The following SDK2 variants were observed in gnomAD, a reference collection of about 807,000 sequenced individuals.
SDK2 encodes the protein protein sidekick-2.
Under a neutral mutation model 253.9 loss-of-function variants are expected in SDK2, and 105 were observed. That is an observed-to-expected ratio of 0.41 (90% CI 0.35 to 0.49). The LOEUF (loss-of-function observed/expected upper bound fraction) is 0.49, where lower values mean the gene tolerates loss of function less well. Among genes scored for constraint, SDK2 ranks in the 20% least tolerant of loss-of-function variants. SDK2 has a pLI of 0.06. For synonymous variants in SDK2, 1,249 were observed against 1,234.9 expected (o/e 1.01, Z -0.24); for missense variants, 2,608 against 3,003.0 (o/e 0.87, Z 3.07).
At chr17:73,407,537 C>T (rs932590412) in intron 18 of SDK2, among the ~76,000 whole-genome samples, 1 of 152,154 alleles carries the variant, frequency 6.6e-6, no homozygotes, top group African/African-American at 2.4e-5. Flanking sequence ...CCCCTCCAAC[C>T]CAAGCTCATC....
In SDK2 at chr17:73,338,356, G is replaced by A. The variant is rs2062399250; in HGVS notation, c.*231C>T. The A allele has an allele frequency of 1.5e-6, 1 of 673,776 alleles. No homozygotes were observed. The highest frequency in any genetic ancestry group is 2.7e-6 in the Non-Finnish European group (1 of 366,744). The allele number at this position is 673,776 out of a possible 1,614,324, so 41.7% of individuals were successfully genotyped here. A position where few individuals can be genotyped will look rare whatever the true frequency, so the allele number is the denominator to read the frequency against. On this transcript the variant is annotated 3_prime_UTR_variant, in exon 45 of 45. Coordinates refer to ENST00000392650, the MANE Select transcript of SDK2 (RefSeq NM_001144952.2). This position sits in a 1 kb window ranked among gnomAD's most constrained non-coding sequence, Gnocchi z 5.0. ...TCCGTGTAATTCCCAAGGGAGCAGT[G>A]AACCCCACCATCTCAAAGCTGAAGA... is the stretch of plus-strand genomic sequence containing the variant.
Position 73,395,485 on chromosome 17 carries a change from T to G in SDK2, c.3355-93A>C. On this transcript the variant is annotated intron_variant, in intron 24 of 44. Coordinates refer to ENST00000392650, the MANE Select transcript of SDK2 (RefSeq NM_001144952.2). The surrounding 1 kb of genome is among the most constrained non-coding windows in gnomAD (Gnocchi z 4.3). ...CTGCTACCCTCTCCTCCAGGGCGCCTTCAGGGCTATCCATCCCACTGTCAC... is the reference window on the plus strand; with the variant it reads ...CTGCTACCCTCTCCTCCAGGGCGCCGTCAGGGCTATCCATCCCACTGTCAC... 1.0e-6 allele frequency: 1 copy of G among 971,708 alleles called. No homozygotes were observed. The highest frequency in any genetic ancestry group is 1.6e-6 in the Non-Finnish European group (1 of 635,404). 60.2% of individuals were successfully genotyped at this position (971,708 alleles called of 1,614,324 possible). A position where few individuals can be genotyped will look rare whatever the true frequency, so the allele number is the denominator to read the frequency against.
At chr17:73,339,897 G>A (rs1450346359) in intron 44 of SDK2, among the ~76,000 whole-genome samples, 3 of 151,418 alleles carry the variant, frequency 2.0e-5, no homozygotes, top group Admixed American at 6.6e-5. Flanking sequence ...TTGATACGCA[G>A]TTTCACTCTT....
At chr17:73,549,632 G>A (rs55868250) in intron 1 of SDK2, among the ~76,000 whole-genome samples, 17,709 of 151,868 alleles carry the variant, frequency 0.12, 1,275 homozygotes, top group South Asian at 0.22. Context: ...CTGAAGGATG[G>A]ATGGGAGTCA....
At chr17:73,500,996 G>A (rs140264194) in intron 2 of SDK2, among the ~76,000 whole-genome samples, 1 of 152,200 alleles carries the variant, frequency 6.6e-6, no homozygotes, top group African/African-American at 2.4e-5. Context: ...CCTTGCTGAT[G>A]AAGTGGATGT....
chr17:73,344,143 C>T (rs933531284), intron 44 of SDK2, among the ~76,000 whole-genome samples: 1 of 152,092 alleles, frequency 6.6e-6, no homozygotes, highest in Non-Finnish European at 1.5e-5. Flanking sequence ...AGAATTGTGC[C>T]CCTGGAGGCA....
chr17:73,402,075 C>T lies in SDK2; in HGVS notation c.2551G>A (p.Asp851Asn). ...GACACGAAGCCCACGTGGATGCTGT[C>T]TTGAAAGTTAGGCCGGGCGGTCACC... ...TMVTARPNFQDSIHVGFVSGL... is the reference protein window; with the variant it reads ...TMVTARPNFQNSIHVGFVSGL... Residue 851 changes from aspartate (D) to asparagine (N), a missense_variant, in exon 19 of 45, where the codon GAC becomes AAC. Physicochemically the swap from Asp to Asn is conservative, Grantham distance 23. Around this residue, in one of 2 missense-constraint regions of SDK2, gnomAD observed 1,505 missense variants for 1,859.1 expected, o/e 0.81. Transcript: ENST00000392650. 6.2e-7 allele frequency: 1 copy of T among 1,614,078 alleles called. No homozygotes were observed. The highest frequency in any genetic ancestry group is 8.5e-7 in the Non-Finnish European group (1 of 1,179,908).
chr17:73,445,574 G>A (rs1168919365), intron 5 of SDK2, among the ~76,000 whole-genome samples: 1 of 152,146 alleles, frequency 6.6e-6, no homozygotes, highest in Non-Finnish European at 1.5e-5. Context: ...ACTTCCTGGA[G>A]TCCAGGAGGG....
rs1464359396 is a variant in SDK2, at chr17:73,609,473, G to C, written c.64+34552C>G. ...AGCAGAGCAGCTTCAGTGGAAGCCC[G>C]ACTGGGTTTAAGACAGAAAGGGAAG... On this transcript the variant is annotated intron_variant, in intron 1 of 44. Coordinates refer to ENST00000392650, the MANE Select transcript of SDK2 (RefSeq NM_001144952.2). This position sits in a 1 kb window ranked among gnomAD's most constrained non-coding sequence, Gnocchi z 4.4. 6.6e-6 allele frequency among the ~76,000 whole-genome samples: 1 copy of C among 152,166 alleles called. No individual in the cohort carries two copies. Among genetic ancestry groups the C allele is most frequent in the Non-Finnish European group, 1.5e-5 (1 of 68,032 alleles).
rs565156627 is a variant in SDK2, at chr17:73,450,102, T to TA, written c.480-2355_480-2354insT. ...CCACCTGAGAGTTTCCTGCAGGGAC[T>TA]TGTCCTTAGGTATAGCATGTGAGGG... On this transcript the variant is annotated intron_variant, in intron 4 of 44. Transcript: ENST00000392650. Among the ~76,000 whole-genome samples, 33 of 152,258 alleles carry TA rather than the reference T, an allele frequency of 2.2e-4. No individual in the cohort carries two copies. The East Asian group carries it at 6.4e-3, about 29-fold the overall frequency.
At chr17:73,450,383 G>A (rs189906600) in intron 4 of SDK2, among the ~76,000 whole-genome samples, 41 of 152,242 alleles carry the variant, frequency 2.7e-4, no homozygotes, top group Admixed American at 2.1e-3. Context: ...CCTGCAGCCC[G>A]CCACCTGTCT....
intron 1 of SDK2, among the ~76,000 whole-genome samples, chr17:73,554,535 C>T (rs1191436933): frequency 6.6e-6 from 1 of 151,694 alleles, no homozygotes; most frequent in Non-Finnish European, 1.5e-5. Context: ...AAGGACAGAG[C>T]CTTCCCTCAT....
At chr17:73,509,979 AG>A (rs2063967755) in intron 1 of SDK2, among the ~76,000 whole-genome samples, 2 of 151,138 alleles carry the variant, frequency 1.3e-5, no homozygotes, top group South Asian at 4.2e-4. Flanking sequence ...AAGAAGAGGA[AG>A]GGGCTAGGGA....
intron 2 of SDK2, among the ~76,000 whole-genome samples, chr17:73,504,127 CA>C (rs1376029501): frequency 6.6e-6 from 1 of 151,292 alleles, no homozygotes; most frequent in South Asian, 2.1e-4. Flanking sequence ...AAAAAGGTGT[CA>C]GGGGATATGT....
In SDK2 at chr17:73,429,036, T is replaced by C. The variant is rs77764850; in HGVS notation, c.1583+1475A>G. The stretch of plus-strand genomic sequence containing the variant: ...AGAGACCCCCGAATCCCATTATGCA[T>C]CAGTAACTGTCTAGAGAATGAATAC... On this transcript the variant is annotated intron_variant, in intron 12 of 44. Coordinates refer to ENST00000392650, the MANE Select transcript of SDK2 (RefSeq NM_001144952.2). Among the ~76,000 whole-genome samples the C allele has an allele frequency of 1.2e-4, 19 of 152,316 alleles. No homozygotes were observed. The East Asian group carries it at 3.5e-3, about 28-fold the overall frequency.
intron 1 of SDK2, among the ~76,000 whole-genome samples, chr17:73,584,512 G>A (rs780022249): frequency 6.6e-6 from 1 of 152,178 alleles, no homozygotes; most frequent in Non-Finnish European, 1.5e-5. Context: ...TGCCACCTCC[G>A]CCTTGCCCTG....
chr17:73,613,516 C>T (rs1238863127), intron 1 of SDK2, among the ~76,000 whole-genome samples: 2 of 152,190 alleles, frequency 1.3e-5, no homozygotes, highest in Admixed American at 6.5e-5. Flanking sequence ...ATTTCATCCG[C>T]TTTCCATGGC....
Position 73,379,460 on chromosome 17 carries a change from C to A in SDK2, c.4852G>T (p.Val1618Phe), listed in dbSNP as rs772124255. ...GGGCGCTGCTCACCTGCCTCCCCAA[C>A]AAAGACCTCCTGCGGGGGGCTGGAG... ...GPSSPPQEVF[V>F]GEAVPTAAPR... The change falls in exon 35 of 45, where the codon GTT becomes TTT. Residue 1618 changes from valine to phenylalanine, a missense_variant. By Grantham distance (50) the Val-to-Phe change is conservative. Around this residue, in one of 2 missense-constraint regions of SDK2, gnomAD observed 1,103 missense variants for 1,143.9 expected, o/e 0.96. Transcript: ENST00000392650. This position sits in a 1 kb window ranked among gnomAD's most constrained non-coding sequence, Gnocchi z 4.5. 4.4e-6 allele frequency: 7 copies of A among 1,607,376 alleles called. No individual in the cohort carries two copies. The highest frequency in any genetic ancestry group is 4.5e-5 in the East Asian group (2 of 44,856).
chr17:73,463,205 G>C (rs999254332), intron 3 of SDK2, among the ~76,000 whole-genome samples: 1 of 152,190 alleles, frequency 6.6e-6, no homozygotes, highest in Non-Finnish European at 1.5e-5. Context: ...ATGCCCTGCA[G>C]GGCTGATCCA....
Sources: allele counts gnomAD v4.1 joint callset (sites outside exome capture counted in the v4.1 genomes callset), GRCh38; gene constraint gnomAD v4.1.1; regional missense constraint gnomAD v4.1.1; non-coding constraint Gnocchi (gnomAD v3.1); transcripts MANE v1.5; gene names NCBI Gene and HGNC (gene_info 2026-07-23, HGNC 2026-07-21).